The following HEPH variants were observed in gnomAD, a reference collection of about 807,000 sequenced individuals.
HEPH encodes the protein hephaestin.
In HEPH, 69 loss-of-function variants were observed where a neutral mutation model predicts 80.8. The ratio of observed to expected loss-of-function variants is 0.85; its 90% CI spans 0.70 to 1.04. The LOEUF is 1.04. Among genes scored for constraint, HEPH ranks in the 50% least tolerant of loss-of-function variants. The probability of loss-of-function intolerance (pLI) is 0.00; values close to 1 mark genes in which losing one functional copy is unlikely to be tolerated. For synonymous variants in HEPH, 431 were observed against 322.8 expected, an observed-to-expected ratio of 1.34 and a Z score of -3.60; for missense variants, 1,115 against 891.3, an observed-to-expected ratio of 1.25 and a Z score of -3.20.
intron 15 of HEPH, among the ~76,000 whole-genome samples, chrX:66,254,161 C>T (rs2091095550): frequency 9.0e-6 from 1 of 110,939 alleles, no homozygotes; most frequent in Non-Finnish European, 1.9e-5. Flanking sequence ...TTGGAGGGGG[C>T]AAGGCTGGAG....
At chrX:66,268,023 C>T (rs1298154148), downstream of HEPH, 3 of 111,694 alleles carry the variant, frequency 2.7e-5, no homozygotes, top group Non-Finnish European at 5.6e-5. Context: ...TGGATTACCT[C>T]AGGGCAAGTC....
intron 17 of HEPH, among the ~76,000 whole-genome samples, chrX:66,257,034 T>A (rs1473475715): frequency 1.8e-5 from 2 of 112,244 alleles, no homozygotes; most frequent in Non-Finnish European, 3.8e-5. Context: ...TAGCCCAAGA[T>A]TTCTTTGATC....
chrX:66,243,403 C>T (rs766371900), intron 15 of HEPH, among the ~76,000 whole-genome samples: 26 of 112,444 alleles, frequency 2.3e-4, no homozygotes, highest in African/African-American at 7.4e-4. Context: ...GAATTGAACC[C>T]TTTACCATTA....
intron 15 of HEPH, among the ~76,000 whole-genome samples, chrX:66,210,861 C>A (rs2089074204): frequency 9.0e-6 from 1 of 111,271 alleles, no homozygotes; most frequent in Non-Finnish European, 1.9e-5. Flanking sequence ...GTACCACTCA[C>A]AAAGAAAATA....
chrX:66,244,568 C>A, intron 15 of HEPH, among the ~76,000 whole-genome samples: 1 of 110,922 alleles, frequency 9.0e-6, no homozygotes, highest in Admixed American at 9.7e-5. Context: ...TTTATTATAT[C>A]CCTTAGATTT....
At chrX:66,180,528 C>G (rs1248314008) in intron 4 of HEPH, among the ~76,000 whole-genome samples, 1 of 109,902 alleles carries the variant, frequency 9.1e-6, no homozygotes, top group Non-Finnish European at 1.9e-5. Context: ...TTTTGTCTCA[C>G]AGCTCTTAAG....
chrX:66,176,442 C>T (rs1019600440), intron 4 of HEPH, among the ~76,000 whole-genome samples: 2 of 111,460 alleles, frequency 1.8e-5, no homozygotes, highest in African/African-American at 6.5e-5. Flanking sequence ...TTGTATTTTG[C>T]TAAGGATTTT....
rs760310036 is a variant in HEPH at position 66,198,979 on chromosome X, A to G, written c.1815A>G (p.Arg605=). 1 of 1,211,167 alleles carries G rather than the reference A, an allele frequency of 8.3e-7. No homozygotes were observed. The highest frequency in any genetic ancestry group is 1.1e-6 in the Non-Finnish European group (1 of 894,866). ...ANQAAAMLDF[R]LLSEDIEGFQ... is the part of the protein sequence containing the mutation. ...AAGCAGCTGCTATGTTGGATTTCCGACTGCTTTCAGAGGATATTGAGGGCT... is the reference window on the plus strand; with the variant it reads ...AAGCAGCTGCTATGTTGGATTTCCGGCTGCTTTCAGAGGATATTGAGGGCT... Residue 605 remains arginine (R), a synonymous_variant, in exon 11 of 21, where the codon CGA becomes CGG. Coordinates refer to ENST00000343002, the MANE Select transcript of HEPH (RefSeq NM_001367233.3).
At chrX:66,223,652 C>CTTTA (rs1360519839) in intron 15 of HEPH, among the ~76,000 whole-genome samples, 2 of 111,604 alleles carry the variant, frequency 1.8e-5, no homozygotes, top group African/African-American at 6.5e-5. Flanking sequence ...GATGATACCC[C>CTTTA]TTTAACATTA....
intron 16 of HEPH, among the ~76,000 whole-genome samples, 161 bp downstream of exon 16, chrX:66,255,302 G>T (rs780641050): frequency 9.0e-6 from 1 of 111,494 alleles, no homozygotes; most frequent in Non-Finnish European, 1.9e-5. Flanking sequence ...GAGGAGGGAC[G>T]AAGGGAATGG....
intron 18 of HEPH, among the ~76,000 whole-genome samples, chrX:66,259,595 G>T (rs993591816): frequency 8.9e-6 from 1 of 111,756 alleles, no homozygotes; most frequent in African/African-American, 3.3e-5. Flanking sequence ...TACTTGTTTT[G>T]AACCTTCTAA....
chrX:66,224,052 T>C (rs1355431657), intron 15 of HEPH, among the ~76,000 whole-genome samples: 2 of 107,714 alleles, frequency 1.9e-5, no homozygotes, highest in African/African-American at 7.0e-5. Flanking sequence ...TATAACACTC[T>C]TTTTACTAAA....
intron 15 of HEPH, among the ~76,000 whole-genome samples, chrX:66,248,515 T>C (rs2090893599): frequency 8.9e-6 from 1 of 111,952 alleles, no homozygotes; most frequent in African/African-American, 3.2e-5. Context: ...TGGCAATTTG[T>C]ATGTGCCAAA....
intron 12 of HEPH, among the ~76,000 whole-genome samples, chrX:66,201,163 C>A (rs2088427569): frequency 9.0e-6 from 1 of 110,718 alleles, no homozygotes; most frequent in African/African-American, 3.3e-5. Context: ...TCTACAGACT[C>A]ATTTCTGATC....
At chrX:66,218,344 T>C (rs1449734121) in intron 15 of HEPH, among the ~76,000 whole-genome samples, 1 of 111,249 alleles carries the variant, frequency 9.0e-6, no homozygotes, top group Non-Finnish European at 1.9e-5. Context: ...TATAAAATAC[T>C]CTCTCTGACC....
chrX:66,226,561 G>T (rs2089900116), intron 15 of HEPH, among the ~76,000 whole-genome samples: 1 of 111,913 alleles, frequency 8.9e-6, no homozygotes, highest in South Asian at 3.7e-4. Flanking sequence ...GATTAACCAA[G>T]AAAATAAGAG....
At chrX:66,211,467 TTTC>T (rs1319818124) in intron 15 of HEPH, among the ~76,000 whole-genome samples, 1 of 111,337 alleles carries the variant, frequency 9.0e-6, no homozygotes, top group African/African-American at 3.3e-5. Flanking sequence ...TTAAATCAGT[TTTC>T]TTCATCTTTC....
At chrX:66,209,956 C>G (rs1004376029) in intron 15 of HEPH, among the ~76,000 whole-genome samples, 16 of 111,276 alleles carry the variant, frequency 1.4e-4, no homozygotes, top group African/African-American at 4.9e-4. Flanking sequence ...GGAAAGTATG[C>G]TCTGAAGGAA....
chrX:66,255,810 G>A (rs2091160709), intron 16 of HEPH, among the ~76,000 whole-genome samples: 1 of 111,345 alleles, frequency 9.0e-6, no homozygotes, highest in Admixed American at 9.6e-5. Flanking sequence ...GGCATTGCAG[G>A]CAGAGGAAAC....
Sources: allele counts gnomAD v4.1 joint callset (sites outside exome capture counted in the v4.1 genomes callset), GRCh38; gene constraint gnomAD v4.1.1; transcripts MANE v1.5; gene names NCBI Gene and HGNC (gene_info 2026-07-23, HGNC 2026-07-21).